The following PCDHGA4 variants were observed in gnomAD, a reference collection of about 807,000 sequenced individuals.
The protein encoded by PCDHGA4 is protocadherin gamma-A4.
A neutral mutation model predicts 54.6 loss-of-function variants in PCDHGA4; 38 were observed. The ratio of observed to expected loss-of-function variants is 0.70; its 90% CI spans 0.54 to 0.91. The LOEUF (loss-of-function observed/expected upper bound fraction) is 0.91. PCDHGA4 is among the 40% of genes least tolerant of loss of function. PCDHGA4 has a pLI of 0.00. For missense variants in PCDHGA4, 1,298 were observed against 1,220.9 expected (o/e 1.06, Z -0.94); for synonymous variants, 511 against 512.9 (o/e 1.00, Z 0.05).
chr5:141,394,580 C>G, intron 1 of PCDHGA4: 1 of 1,613,914 alleles, frequency 6.2e-7, no homozygotes, highest in Non-Finnish European at 8.5e-7. Flanking sequence ...ACCTGGTGAC[C>G]AAGGTGGTGG....
rs568542355 is a variant in PCDHGA4, at chr5:141,431,678, T to C, written c.2515-63129T>C. 4 of 1,614,084 alleles carry C rather than the reference T, an allele frequency of 2.5e-6. No individual in the cohort carries two copies. Among genetic ancestry groups the C allele is most frequent in the African/African-American group, 2.7e-5 (2 of 75,012 alleles). ...AGGGACAATATCAACAATAGGGGAG[T>C]TGGACCACGAGGAGTCAGGATTCTA... On this transcript the variant is annotated intron_variant, in intron 1 of 3. Transcript: ENST00000571252. The surrounding 1 kb of genome is among the most constrained non-coding windows in gnomAD (Gnocchi z 4.8).
chr5:141,398,985 A>C, intron 1 of PCDHGA4: 2 of 1,613,964 alleles, frequency 1.2e-6, no homozygotes, highest in Non-Finnish European at 1.7e-6. Context: ...GAACCGGGCA[A>C]ATCTTTAGTC....
intron 1 of PCDHGA4, 157 bp from the exon 2 acceptor site, chr5:141,494,645 GTGTAT>G: frequency 1.1e-6 from 1 of 935,948 alleles, no homozygotes; most frequent in Non-Finnish European, 1.3e-6. Context: ...GAGACCTGAG[GTGTAT>G]TTTGTCTTTG....
chr5:141,385,126 A>G lies in PCDHGA4; in HGVS notation c.2514+27505A>G. The G allele has an allele frequency of 6.2e-7, 1 of 1,614,206 alleles. No individual in the cohort carries two copies. The highest frequency in any genetic ancestry group is 1.1e-5 in the South Asian group (1 of 91,090). On this transcript the variant is annotated intron_variant, in intron 1 of 3. Coordinates refer to ENST00000571252, the MANE Select transcript of PCDHGA4 (RefSeq NM_018917.4). Reference sequence around the variant, plus strand: ...CGTGCCCACCTCGCACTTTGTGGGCATGGACGGGGTGCAGGCTTTCCTGCA... The same window carrying G: ...CGTGCCCACCTCGCACTTTGTGGGCGTGGACGGGGTGCAGGCTTTCCTGCA...
At position 141,357,120 on chromosome 5, in the gene PCDHGA4, G is replaced by A. The variant is rs777241570; in HGVS notation, c.2013G>A (p.Gln671=). The A allele has an allele frequency of 3.7e-6, 6 of 1,613,562 alleles. No homozygotes were observed. The Admixed American group carries it at 1.0e-4, about 27-fold the overall frequency. The part of the protein sequence containing the change: ...RALLDRDALK[Q]RLVVVVQDHG... Reference sequence around the variant, plus strand: ...TGCTGGACAGAGACGCGCTCAAGCAGAGGCTTGTAGTGGTCGTCCAGGACC... The same window carrying A: ...TGCTGGACAGAGACGCGCTCAAGCAAAGGCTTGTAGTGGTCGTCCAGGACC... The change falls in exon 1 of 4, where the codon CAG becomes CAA. Residue 671 remains glutamine, a synonymous_variant. Transcript: ENST00000571252.
chr5:141,418,248 C>T (rs372067603), intron 1 of PCDHGA4: 7 of 1,613,882 alleles, frequency 4.3e-6, no homozygotes, highest in African/African-American at 1.3e-5. Flanking sequence ...AATGACCACG[C>T]CCCTCAATTC....
At chr5:141,363,869 A>G (rs1763089883) in intron 1 of PCDHGA4, among the ~76,000 whole-genome samples, 2 of 152,238 alleles carry the variant, frequency 1.3e-5, no homozygotes. Context: ...GATAAGAGGT[A>G]AATAAAGGAC....
At chr5:141,462,203 G>T (rs544238255) in intron 1 of PCDHGA4, among the ~76,000 whole-genome samples, 2 of 152,036 alleles carry the variant, frequency 1.3e-5, no homozygotes, top group African/African-American at 4.8e-5. Flanking sequence ...CAGGTGATCC[G>T]CCTGCCTCGG....
Position 141,361,948 on chromosome 5 carries a change from T to A in PCDHGA4, c.2514+4327T>A, listed in dbSNP as rs746757947. The stretch of plus-strand genomic sequence containing the variant: ...AGACTCAGGACACAACGCTTGGCTG[T>A]CCTACCACGTGCTGCAGGCCAGCGA... On this transcript the variant is annotated intron_variant, in intron 1 of 3. Coordinates refer to ENST00000571252, the MANE Select transcript of PCDHGA4 (RefSeq NM_018917.4). The A allele has an allele frequency of 2.6e-5, 42 of 1,604,118 alleles. No homozygotes were observed. The highest frequency in any genetic ancestry group is 5.5e-5 in the South Asian group (5 of 90,876).
At chr5:141,403,430 C>A in intron 1 of PCDHGA4, 1 of 1,614,022 alleles carries the variant, frequency 6.2e-7, no homozygotes, top group Non-Finnish European at 8.5e-7. Flanking sequence ...AGCTATTGAT[C>A]CGGATGTTGG....
At chr5:141,401,058 T>A (rs967099811) in intron 1 of PCDHGA4, among the ~76,000 whole-genome samples, 1 of 152,236 alleles carries the variant, frequency 6.6e-6, no homozygotes, top group African/African-American at 2.4e-5. Flanking sequence ...AAATACTATA[T>A]GTTGGCTGGG....
chr5:141,401,613 G>A (rs906957282), intron 1 of PCDHGA4, among the ~76,000 whole-genome samples: 1 of 152,162 alleles, frequency 6.6e-6, no homozygotes, highest in Admixed American at 6.5e-5. Flanking sequence ...AAAAGACACC[G>A]GATTTGTCTT....
chr5:141,403,816 A>G (rs2094457403), intron 1 of PCDHGA4: 4 of 1,613,874 alleles, frequency 2.5e-6, no homozygotes, highest in Non-Finnish European at 3.4e-6. Context: ...ATGAAAAACA[A>G]TCTCTGCTAT....
rs769232324 is a variant in PCDHGA4, at chr5:141,423,034, G to T, written c.2514+65413G>T. 4 of 1,614,082 alleles carry T rather than the reference G, an allele frequency of 2.5e-6. No individual in the cohort carries two copies. In the African/African-American group the frequency reaches 4.0e-5, roughly 16 times the overall value. On this transcript the variant is annotated intron_variant, in intron 1 of 3. Coordinates refer to ENST00000571252, the MANE Select transcript of PCDHGA4 (RefSeq NM_018917.4). ...GGTGGACAAAGATTCAGGCCAGAAC[G>T]CCTGGCTGTCCTATCGCCTGCTTAA...
chr5:141,427,887 C>G, intron 1 of PCDHGA4: 1 of 1,565,908 alleles, frequency 6.4e-7, no homozygotes, highest in South Asian at 1.1e-5. Flanking sequence ...GGCCCACGAC[C>G]AGGGCTCGCC....
chr5:141,499,635 A>C (rs578081078), intron 2 of PCDHGA4, among the ~76,000 whole-genome samples: 16 of 152,136 alleles, frequency 1.1e-4, no homozygotes, highest in African/African-American at 3.6e-4. Context: ...CTTTTGAAGC[A>C]AATCTCAGAC....
rs1195316502 is a variant in PCDHGA4 at position 141,431,006 on chromosome 5, A to G, written c.2515-63801A>G. 1.2e-6 allele frequency: 2 copies of G among 1,614,116 alleles called. No individual in the cohort carries two copies. Among genetic ancestry groups the G allele is most frequent in the South Asian group, 2.2e-5 (2 of 91,078 alleles). ...TTTCGCCCTGAATCCGCGCAGCGGC[A>G]GCTTGGTCACGGCGGGCAGGATAGA... On this transcript the variant is annotated intron_variant, in intron 1 of 3. Transcript: ENST00000571252. The surrounding 1 kb of genome is among the most constrained non-coding windows in gnomAD (Gnocchi z 4.8).
At chr5:141,418,815 T>A in intron 1 of PCDHGA4, 1 of 1,613,864 alleles carries the variant, frequency 6.2e-7, no homozygotes, top group East Asian at 2.2e-5. Flanking sequence ...ACGATAAACA[T>A]AGAAGCAAAA....
At position 141,476,518 on chromosome 5, in the gene PCDHGA4, T is replaced by C; in HGVS notation, c.2515-18289T>C. 1 of 1,614,214 alleles carries C rather than the reference T, an allele frequency of 6.2e-7. No individual in the cohort carries two copies. Among genetic ancestry groups the C allele is most frequent in the Non-Finnish European group, 8.5e-7 (1 of 1,180,038 alleles). ...AGGACATCAACGACAACAATCCTGC[T>C]TTCCCTACCCAGGAAATGAAATTGG... is the stretch of plus-strand genomic sequence containing the variant. On this transcript the variant is annotated intron_variant, in intron 1 of 3. Transcript: ENST00000571252. This position sits in a 1 kb window ranked among gnomAD's most constrained non-coding sequence, Gnocchi z 7.6.
Sources: allele counts gnomAD v4.1 joint callset (sites outside exome capture counted in the v4.1 genomes callset), GRCh38; gene constraint gnomAD v4.1.1; non-coding constraint Gnocchi (gnomAD v3.1); transcripts MANE v1.5; gene names NCBI Gene and HGNC (gene_info 2026-07-23, HGNC 2026-07-21).